NCAM2: variants seen among roughly 807,000 people sequenced by gnomAD.
The protein encoded by NCAM2 is N-CAM-2.
In NCAM2, 30 loss-of-function variants were observed where a neutral mutation model predicts 98.1. The observed-to-expected ratio is 0.31, with a 90% confidence interval of 0.23 to 0.41. NCAM2 has a LOEUF of 0.41. NCAM2 is among the 10% of genes least tolerant of loss of function. NCAM2 has a pLI of 1.00. For synonymous variants in NCAM2, 368 were observed against 342.4 expected (o/e 1.07, Z -0.83); for missense variants, 867 against 1,005.8 (o/e 0.86, Z 1.87).
At chr21:21,393,004 T>A (rs531916245) in intron 9 of NCAM2, among the ~76,000 whole-genome samples, 1 of 152,310 alleles carries the variant, frequency 6.6e-6, no homozygotes, top group Admixed American at 6.5e-5. Flanking sequence ...GGCATCTTCA[T>A]CATGAAATCT....
intron 1 of NCAM2, among the ~76,000 whole-genome samples, chr21:21,256,266 GA>G: frequency 6.6e-6 from 1 of 152,096 alleles, no homozygotes; most frequent in East Asian, 1.9e-4. Context: ...TGAGGCAGGA[GA>G]CTCACTTGAA....
intron 1 of NCAM2, among the ~76,000 whole-genome samples, chr21:21,191,141 A>G (rs1296342134): frequency 6.6e-6 from 1 of 151,186 alleles, no homozygotes; most frequent in Non-Finnish European, 1.5e-5. Context: ...GATAGTTTAT[A>G]GAGAGTCAAC....
chr21:21,363,621 T>G (rs2075706577), intron 8 of NCAM2, among the ~76,000 whole-genome samples: 1 of 152,140 alleles, frequency 6.6e-6, no homozygotes, highest in Non-Finnish European at 1.5e-5. Context: ...AATCATCTGG[T>G]GATTGATATA....
At chr21:21,319,967 T>G (rs987597356) in intron 5 of NCAM2, among the ~76,000 whole-genome samples, 1 of 152,182 alleles carries the variant, frequency 6.6e-6, no homozygotes, top group Non-Finnish European at 1.5e-5. Flanking sequence ...AATGGAACCT[T>G]TTTTTGATTT....
chr21:21,378,960 T>C (rs2076091920), intron 9 of NCAM2, among the ~76,000 whole-genome samples: 1 of 152,076 alleles, frequency 6.6e-6, no homozygotes, highest in Non-Finnish European at 1.5e-5. Flanking sequence ...TGTTATACGG[T>C]TCGTGTTTTT....
chr21:21,228,219 A>G (rs924683110), intron 1 of NCAM2, among the ~76,000 whole-genome samples: 4 of 151,678 alleles, frequency 2.6e-5, no homozygotes, highest in Non-Finnish European at 4.4e-5. Flanking sequence ...AGACATTGGT[A>G]AAAAGATATA....
At position 21,542,530 on chromosome 21, in the gene NCAM2, T is replaced by C. The variant is rs1043610567; in HGVS notation, c.*4573T>C. The stretch of plus-strand genomic sequence containing the variant: ...TTTAAATATTGCTACTTATTTTTTT[T>C]CTTTTCTGAAATGAAAACATGAATC... On this transcript the variant is annotated 3_prime_UTR_variant, in exon 18 of 18. Coordinates refer to ENST00000400546, the MANE Select transcript of NCAM2 (RefSeq NM_004540.5). The C allele has an allele frequency of 6.6e-6, 1 of 151,930 alleles. No individual in the cohort carries two copies. The highest frequency in any genetic ancestry group is 1.9e-4 in the East Asian group (1 of 5,202). 9.4% of individuals were successfully genotyped at this position (151,930 alleles called of 1,614,324 possible). A position where few individuals can be genotyped will look rare whatever the true frequency, so the allele number is the denominator to read the frequency against.
intron 5 of NCAM2, among the ~76,000 whole-genome samples, chr21:21,292,972 C>T (rs973521989): frequency 1.3e-5 from 2 of 151,788 alleles, no homozygotes; most frequent in South Asian, 4.2e-4. Flanking sequence ...GGCAAGAGTG[C>T]GTGAGAAAGA....
intron 1 of NCAM2, among the ~76,000 whole-genome samples, chr21:21,143,068 G>A (rs914027779): frequency 2.6e-5 from 4 of 152,102 alleles, no homozygotes; most frequent in Non-Finnish European, 5.9e-5. Context: ...CTGCTTGGTC[G>A]AAGGGTAATG....
chr21:21,192,554 TA>T, intron 1 of NCAM2, among the ~76,000 whole-genome samples: 1 of 152,172 alleles, frequency 6.6e-6, no homozygotes, highest in South Asian at 2.1e-4. Flanking sequence ...GCAATACAAA[TA>T]AGCATTACTT....
intron 1 of NCAM2, among the ~76,000 whole-genome samples, chr21:21,080,116 G>A (rs537458702): frequency 3.0e-4 from 46 of 152,138 alleles, no homozygotes; most frequent in Non-Finnish European, 4.6e-4. Context: ...AAGGGCAAAG[G>A]AAACTTTTGG....
At chr21:21,394,612 C>T (rs976447054) in intron 9 of NCAM2, among the ~76,000 whole-genome samples, 1 of 150,792 alleles carries the variant, frequency 6.6e-6, no homozygotes, top group Non-Finnish European at 1.5e-5. Flanking sequence ...CCTCAGCCTC[C>T]AGAGTAGCTG....
intron 5 of NCAM2, among the ~76,000 whole-genome samples, chr21:21,319,510 G>A (rs1232619740): frequency 4.6e-5 from 7 of 152,150 alleles, no homozygotes; most frequent in Admixed American, 6.5e-5. Flanking sequence ...GCATGATGGC[G>A]CGTGCCTGTA....
chr21:21,137,321 CT>C (rs1366435782), intron 1 of NCAM2, among the ~76,000 whole-genome samples: 1 of 152,098 alleles, frequency 6.6e-6, no homozygotes, highest in Non-Finnish European at 1.5e-5. Flanking sequence ...CAAATTAGAA[CT>C]TTTCCAAGAA....
chr21:21,489,787 A>T (rs964861245), intron 15 of NCAM2, among the ~76,000 whole-genome samples: 3 of 152,102 alleles, frequency 2.0e-5, no homozygotes, highest in Non-Finnish European at 4.4e-5. Context: ...TATTCAGAAT[A>T]TATTTCCACA....
intron 1 of NCAM2, among the ~76,000 whole-genome samples, chr21:21,215,164 G>T (rs1336441244): frequency 1.3e-5 from 2 of 151,936 alleles, no homozygotes; most frequent in African/African-American, 4.8e-5. Context: ...CAACCCAGAT[G>T]CCCCATGACT....
rs556425415 is a variant in NCAM2 at position 21,525,594 on chromosome 21, T to A, written c.2283-8943T>A. Among the ~76,000 whole-genome samples, 134 of 152,198 alleles carry A rather than the reference T, an allele frequency of 8.8e-4. No individual in the cohort carries two copies. In the South Asian group the frequency reaches 0.012, roughly 13 times the overall value. Reference sequence around the variant, plus strand: ...GTGAATTCTACCAAACATTTAAACATTAAATTATATCAATTATCTACATGT... The same window carrying A: ...GTGAATTCTACCAAACATTTAAACAATAAATTATATCAATTATCTACATGT... On this transcript the variant is annotated intron_variant, in intron 16 of 17. Transcript: ENST00000400546.
intron 1 of NCAM2, among the ~76,000 whole-genome samples, chr21:21,066,428 A>G (rs1373030954): frequency 6.6e-6 from 1 of 152,046 alleles, no homozygotes; most frequent in Non-Finnish European, 1.5e-5. Context: ...ACACACACAC[A>G]CACAGATATA....
At chr21:21,352,169 C>T (rs2075360142) in intron 8 of NCAM2, among the ~76,000 whole-genome samples, 1 of 151,888 alleles carries the variant, frequency 6.6e-6, no homozygotes, top group Non-Finnish European at 1.5e-5. Context: ...CAGTCTCAAG[C>T]ATCCTCCCAC....
Sources: allele counts gnomAD v4.1 joint callset (sites outside exome capture counted in the v4.1 genomes callset), GRCh38; gene constraint gnomAD v4.1.1; transcripts MANE v1.5; gene names NCBI Gene and HGNC (gene_info 2026-07-23, HGNC 2026-07-21).